The following UBXN7 variants were observed in gnomAD, a reference collection of about 807,000 sequenced individuals.
The protein encoded by UBXN7 is UBX domain-containing protein 7.
UBXN7 carries 9 observed loss-of-function variants against 58.0 expected under a neutral mutation model. The observed-to-expected ratio is 0.16, with a 90% CI of 0.09 to 0.27. The LOEUF is 0.27. Ranked by LOEUF, UBXN7 falls within the 10% of genes least tolerant of loss-of-function variation. UBXN7 has a pLI of 1.00. For synonymous variants in UBXN7, 208 were observed against 205.0 expected (o/e 1.01, Z -0.12); for missense variants, 328 against 599.6 (o/e 0.55, Z 4.73).
chr3:196,398,053 G>A (rs530429828), intron 3 of UBXN7, among the ~76,000 whole-genome samples: 10 of 152,316 alleles, frequency 6.6e-5, no homozygotes, highest in South Asian at 6.2e-4. Flanking sequence ...CAGACATGAT[G>A]GGATTTCACT....
chr3:196,373,707 T>C (rs1012313894), intron 5 of UBXN7, among the ~76,000 whole-genome samples: 3 of 151,548 alleles, frequency 2.0e-5, no homozygotes, highest in African/African-American at 4.9e-5. Context: ...CCAGAATAAA[T>C]TATTTTCTTT....
chr3:196,423,035 T>C (rs1730736069), intron 1 of UBXN7, among the ~76,000 whole-genome samples: 1 of 152,224 alleles, frequency 6.6e-6, no homozygotes, highest in African/African-American at 2.4e-5. Context: ...CATGACATTC[T>C]GGAAAACAGG....
chr3:196,368,125 T>C lies in UBXN7; in HGVS notation c.737A>G (p.Asp246Gly). The C allele has an allele frequency of 6.2e-7, 1 of 1,614,034 alleles. No homozygotes were observed. Among genetic ancestry groups the C allele is most frequent in the Non-Finnish European group, 8.5e-7 (1 of 1,179,964 alleles). ...GQKLVEWHQL[D>G]VSSFLDQVTG... ...CACTTGGTCCAAGAAAGAAGATACA[T>C]CTAACTGGTGCCATTCTACTAGCTT... The change falls in exon 8 of 11, where the codon GAT becomes GGT. Residue 246 changes from aspartate to glycine, a missense_variant. Coordinates refer to ENST00000296328, the MANE Select transcript of UBXN7 (RefSeq NM_015562.2).
intron 1 of UBXN7, among the ~76,000 whole-genome samples, chr3:196,424,859 T>C (rs1158968061): frequency 2.6e-5 from 4 of 151,912 alleles, no homozygotes; most frequent in Non-Finnish European, 5.9e-5. Context: ...CACACCACCA[T>C]GCCCGGCTAG....
In UBXN7 at chr3:196,422,438, C is replaced by T. The variant is rs150562778; in HGVS notation, c.73+9889G>A. 1.7e-3 allele frequency among the ~76,000 whole-genome samples: 254 copies of T among 151,216 alleles called. 3 individuals carry two copies. The highest frequency in any genetic ancestry group is 5.9e-3 in the African/African-American group (241 of 41,144). On this transcript the variant is annotated intron_variant, in intron 1 of 10. Transcript: ENST00000296328. ...GAGGCTGCAGTGAGCTATGATAACA[C>T]GGCTGCACTCCACCAGGGGCAAGAG...
At position 196,349,976 on chromosome 3, in the gene UBXN7, G is replaced by C. The variant is rs115707858; in HGVS notation, c.*6709C>G. On this transcript the variant is annotated 3_prime_UTR_variant, in exon 11 of 11. Coordinates refer to ENST00000296328, the MANE Select transcript of UBXN7 (RefSeq NM_015562.2). The stretch of plus-strand genomic sequence containing the variant: ...AATACCCAGAGTATTGTGATCTCTA[G>C]AGAGGAAATACAATTAAACAATAAA... The C allele has an allele frequency of 5.9e-3, 895 of 152,298 alleles. 5 individuals are homozygous for C. The highest frequency in any genetic ancestry group is 0.02 in the African/African-American group (843 of 41,578). The allele number at this position is 152,298 out of a possible 1,614,324, so 9.4% of individuals were successfully genotyped here.
intron 5 of UBXN7, among the ~76,000 whole-genome samples, chr3:196,377,727 C>T (rs893171232): frequency 1.3e-5 from 2 of 152,044 alleles, no homozygotes; most frequent in East Asian, 3.9e-4. Context: ...AGGGCAATGG[C>T]ACCACCACAG....
intron 5 of UBXN7, among the ~76,000 whole-genome samples, chr3:196,374,878 GGA>G (rs1227055364): frequency 3.0e-5 from 1 of 33,304 alleles, no homozygotes; most frequent in Non-Finnish European, 6.4e-5. Context: ...GGAGGGGAGG[GGA>G]GGGGAGGGGG....
rs1407930567 is a variant in UBXN7 at position 196,353,947 on chromosome 3, C to A, written c.*2738G>T. 1 of 151,956 alleles carries A rather than the reference C, an allele frequency of 6.6e-6. No homozygotes were observed. Among genetic ancestry groups the A allele is most frequent in the African/African-American group, 2.4e-5 (1 of 41,350 alleles). The allele number at this position is 151,956 out of a possible 1,614,324, so 9.4% of individuals were successfully genotyped here. A position where few individuals can be genotyped will look rare whatever the true frequency, so the allele number is the denominator to read the frequency against. ...GACTATTTTTAACTAATCTTACTGA[C>A]CTCATTTAATCTATTCAATAAAACC... is the stretch of plus-strand genomic sequence containing the variant. On this transcript the variant is annotated 3_prime_UTR_variant, in exon 11 of 11. Transcript: ENST00000296328.
At chr3:196,410,241 A>G (rs1730283710) in intron 1 of UBXN7, among the ~76,000 whole-genome samples, 1 of 152,080 alleles carries the variant, frequency 6.6e-6, no homozygotes, top group African/African-American at 2.4e-5. Context: ...CACTTGGCCT[A>G]AAAAATGTTT....
At chr3:196,382,278 T>A (rs1009148077) in intron 5 of UBXN7, among the ~76,000 whole-genome samples, 1 of 152,192 alleles carries the variant, frequency 6.6e-6, no homozygotes, top group African/African-American at 2.4e-5. Context: ...CCCATCAGAC[T>A]AACAGCAGAT....
intron 1 of UBXN7, among the ~76,000 whole-genome samples, chr3:196,419,535 G>C (rs996338049): frequency 6.6e-6 from 1 of 152,180 alleles, no homozygotes; most frequent in South Asian, 2.1e-4. Context: ...TAAGCCATCT[G>C]TTCCCGTATC....
At chr3:196,427,838 T>A (rs1032806285) in intron 1 of UBXN7, among the ~76,000 whole-genome samples, 1 of 152,144 alleles carries the variant, frequency 6.6e-6, no homozygotes, top group Non-Finnish European at 1.5e-5. Flanking sequence ...ACAGAAAGCA[T>A]CAGTGGGGCC....
chr3:196,396,543 A>G (rs1729779795), intron 3 of UBXN7, among the ~76,000 whole-genome samples: 1 of 152,130 alleles, frequency 6.6e-6, no homozygotes, highest in African/African-American at 2.4e-5. Flanking sequence ...TGGGTGGATC[A>G]CGAGGTCGGG....
chr3:196,385,696 C>A (rs1036190807), intron 5 of UBXN7, among the ~76,000 whole-genome samples: 1 of 151,834 alleles, frequency 6.6e-6, no homozygotes. Flanking sequence ...CCAGCAGCCG[C>A]CCCGTCTGGG....
At chr3:196,370,774 A>C (rs1449441207) in intron 6 of UBXN7, among the ~76,000 whole-genome samples, 1 of 150,566 alleles carries the variant, frequency 6.6e-6, no homozygotes, top group Non-Finnish European at 1.5e-5. Context: ...TAATCCCAGC[A>C]CTTTGGGAAG....
chr3:196,419,337 A>T (rs1427953405), intron 1 of UBXN7, among the ~76,000 whole-genome samples: 1 of 147,326 alleles, frequency 6.8e-6, no homozygotes, highest in African/African-American at 2.4e-5. Context: ...ATGTGACAGG[A>T]TGACTTCCAT....
rs774082420 is a variant in UBXN7 at position 196,350,507 on chromosome 3, A to T, written c.*6178T>A. ...AACATAGCCAATTACACTAAAAATC[A>T]TAACTATTTTCAGAGAATGAATGTT... On this transcript the variant is annotated 3_prime_UTR_variant, in exon 11 of 11. Coordinates refer to ENST00000296328, the MANE Select transcript of UBXN7 (RefSeq NM_015562.2). The T allele has an allele frequency of 1.3e-5, 2 of 152,262 alleles. No homozygotes were observed. The highest frequency in any genetic ancestry group is 4.8e-5 in the African/African-American group (2 of 41,474). 9.4% of individuals were successfully genotyped at this position (152,262 alleles called of 1,614,324 possible). A position where few individuals can be genotyped will look rare whatever the true frequency, so the allele number is the denominator to read the frequency against.
At chr3:196,408,740 T>C (rs1213784312) in intron 1 of UBXN7, among the ~76,000 whole-genome samples, 28 of 152,208 alleles carry the variant, frequency 1.8e-4, no homozygotes, top group Admixed American at 1.8e-3. Flanking sequence ...AGCATTCCAA[T>C]GTCCTCTGGC....
Sources: allele counts gnomAD v4.1 joint callset (sites outside exome capture counted in the v4.1 genomes callset), GRCh38; gene constraint gnomAD v4.1.1; transcripts MANE v1.5; gene names NCBI Gene and HGNC (gene_info 2026-07-23, HGNC 2026-07-21).